POLG: variants seen among roughly 807,000 people sequenced by gnomAD.
POLG encodes the protein DNA polymerase subunit gamma-1.
In POLG, 110 loss-of-function variants were observed where a neutral mutation model predicts 155.4. The ratio of observed to expected loss-of-function variants is 0.71; its 90% CI spans 0.61 to 0.83. POLG has a LOEUF of 0.83. POLG is among the 40% of genes least tolerant of loss of function. The pLI is 0.00. For missense variants in POLG, 1,685 were observed against 1,627.5 expected (o/e 1.04, Z -0.61); for synonymous variants, 701 against 631.5 (o/e 1.11, Z -1.65).
At chr15:89,317,308 C>G in intron 22 of POLG, 68 bp downstream of exon 22, 2 of 1,535,102 alleles carry the variant, frequency 1.3e-6, no homozygotes, top group South Asian at 2.3e-5. Context: ...GTTTCCTGTT[C>G]TCCAAGACCC....
rs368959267 is a variant in POLG, at chr15:89,325,297, A to G, written c.1949+153T>C. 2.8e-4 allele frequency among the ~76,000 whole-genome samples: 17 copies of G among 59,932 alleles called. 3 individuals carry two copies. Among genetic ancestry groups the G allele is most frequent in the African/African-American group, 8.6e-4 (16 of 18,548 alleles). 39.3% of individuals were successfully genotyped at this position (59,932 alleles called of 152,430 possible). On this transcript the variant is annotated intron_variant, in intron 10 of 22. Coordinates refer to ENST00000268124, the MANE Select transcript of POLG (RefSeq NM_002693.3). ...GAGAGAGAGAGAAAGAGAGAGAGAGAGGGTGTGTGTGTGTGTGTTAATTTT... is the reference window on the plus strand; with the variant it reads ...GAGAGAGAGAGAAAGAGAGAGAGAGGGGGTGTGTGTGTGTGTGTTAATTTT...
In POLG at chr15:89,333,265, G is replaced by C. The variant is rs779208296; in HGVS notation, c.490C>G (p.Pro164Ala). The change falls in exon 2 of 23, where the codon CCG becomes GCG. Residue 164 changes from proline to alanine, a missense_variant. Pro to Ala is a conservative substitution (Grantham distance 27, BLOSUM62 -1). Transcript: ENST00000268124. The part of the protein sequence containing the change: ...ANLLLQAQLP[P>A]KPPAWAWAEG... ...GCCCAGGCCCAAGCCGGGGGCTTCG[G>C]GGGCAGCTGGGCCTGCAACAGCAAG... is the stretch of plus-strand genomic sequence containing the variant. The C allele has an allele frequency of 1.3e-6, 2 of 1,561,364 alleles. No individual in the cohort carries two copies. The highest frequency in any genetic ancestry group is 1.7e-6 in the Non-Finnish European group (2 of 1,152,132).
intron 18 of POLG, among the ~76,000 whole-genome samples, chr15:89,320,106 C>T (rs976226705): frequency 2.0e-5 from 3 of 152,230 alleles, no homozygotes; most frequent in Admixed American, 1.3e-4. Context: ...TTATAGTCAT[C>T]AACCACTATA....
rs56307219 is a variant in POLG at position 89,319,908 on chromosome 15, C to T, written c.2982-558G>A. On this transcript the variant is annotated intron_variant, in intron 18 of 22. Transcript: ENST00000268124. The stretch of plus-strand genomic sequence containing the variant: ...TTGTCGCCTGAAGGCTCCAGAGACA[C>T]GTCACTCGCATAAATGGCTTCCCCA... Among the ~76,000 whole-genome samples the T allele has an allele frequency of 4.2e-3, 644 of 152,256 alleles. 7 individuals carry two copies. Among genetic ancestry groups the T allele is most frequent in the African/African-American group, 0.015 (616 of 41,554 alleles).
At chr15:89,323,044 C>CGCGCACGCGCGCACGCACACACACACGT (rs2055419544) in intron 13 of POLG, 142 bp from the exon 14 acceptor site, 1 of 678,760 alleles carries the variant, frequency 1.5e-6, no homozygotes. Flanking sequence ...ATCACGCACG[C>CGCGCACGCGCGCACGCACACACACACGT]GCGCACGCGC....
intron 20 of POLG, 26 bp from the exon 21 acceptor site, chr15:89,318,775 G>A: frequency 1.3e-6 from 2 of 1,599,898 alleles, no homozygotes; most frequent in South Asian, 1.1e-5. Context: ...GGGCAGAGGT[G>A]AAAGGGGCTA....
At position 89,317,599 on chromosome 15, in the gene POLG, G is replaced by A. The variant is rs2055316655; in HGVS notation, c.3483-63C>T. On this transcript the variant is annotated intron_variant, in intron 21 of 22. Transcript: ENST00000268124. ...TCCTGTGAACAGATGCATCACTCCTGGAGCAATGACCCCACACCCCTTAGA... is the reference window on the plus strand; with the variant it reads ...TCCTGTGAACAGATGCATCACTCCTAGAGCAATGACCCCACACCCCTTAGA... 2.6e-6 allele frequency: 4 copies of A among 1,511,180 alleles called. No individual in the cohort carries two copies. In the East Asian group the frequency reaches 6.7e-5, roughly 25 times the overall value. 93.6% of individuals were successfully genotyped at this position (1,511,180 alleles called of 1,614,324 possible). A position where few individuals can be genotyped will look rare whatever the true frequency, so the allele number is the denominator to read the frequency against.
Position 89,320,763 on chromosome 15 carries a change from C to T in POLG, c.2981+3G>A, listed in dbSNP as rs769780988. 1.4e-5 allele frequency: 22 copies of T among 1,612,620 alleles called. No individual in the cohort carries two copies. In the South Asian group the frequency reaches 2.3e-4, roughly 17 times the overall value. ...TTAAAGTGGATGGGAGAGGGACCCT[C>T]ACCAGCGGAGGCCCTTGGTGGCAGC... On this transcript the variant is annotated splice_donor_region_variant and intron_variant, in intron 18 of 22. Transcript: ENST00000268124.
At chr15:89,319,413 G>A in intron 18 of POLG, 63 bp from the exon 19 acceptor site, 1 of 1,601,788 alleles carries the variant, frequency 6.2e-7, no homozygotes, top group South Asian at 1.1e-5. Flanking sequence ...TAGTGCCTTG[G>A]CAAGGAATGT....
chr15:89,325,058 G>T lies in POLG; in HGVS notation c.1949+392C>A, dbSNP rs571237591. 6.7e-3 allele frequency among the ~76,000 whole-genome samples: 515 copies of T among 76,964 alleles called. 71 individuals carry two copies. Among genetic ancestry groups the T allele is most frequent in the African/African-American group, 0.033 (479 of 14,570 alleles). 50.5% of individuals were successfully genotyped at this position (76,964 alleles called of 152,430 possible). On this transcript the variant is annotated intron_variant, in intron 10 of 22. Coordinates refer to ENST00000268124, the MANE Select transcript of POLG (RefSeq NM_002693.3). ...CCAGAGAGTGAGTGAGTGAGTGAGA[G>T]AGTGAGTGAGTGAGTGAGTGAGTGA...
intron 21 of POLG, chr15:89,317,954 G>C (rs1161053671): frequency 6.4e-6 from 2 of 310,972 alleles, no homozygotes; most frequent in Admixed American, 9.7e-5. Context: ...AATCAGGATA[G>C]ATCATGGTTC....
Position 89,333,225 on chromosome 15 carries a change from C to T in POLG, c.530G>A (p.Arg177Gln). 1 of 1,579,002 alleles carries T rather than the reference C, an allele frequency of 6.3e-7. No homozygotes were observed. The highest frequency in any genetic ancestry group is 8.6e-7 in the Non-Finnish European group (1 of 1,159,838). The change falls in exon 2 of 23, where the codon CGG becomes CAG. Residue 177 changes from arginine to glutamine, a missense_variant. Transcript: ENST00000268124. ...PAWAWAEGWT[R>Q]YGPEGEAVPV... ...TACGGCCTCCCCCTCGGGGCCGTAC[C>T]GGGTCCAGCCCTCCGCCCAGGCCCA...
chr15:89,330,699 C>G (rs2055582521), intron 2 of POLG, among the ~76,000 whole-genome samples: 1 of 149,968 alleles, frequency 6.7e-6, no homozygotes, highest in Admixed American at 6.6e-5. Context: ...TAGACAATAA[C>G]AGAACCCAAG....
rs1412142514 is a variant in POLG at position 89,321,441 on chromosome 15, G to T, written c.2599-181C>A. ...ATCAGCAATTGGTGTGACAGGTAAAGAATCTACTCTATGCCTAGCGCTATG... is the reference window on the plus strand; with the variant it reads ...ATCAGCAATTGGTGTGACAGGTAAATAATCTACTCTATGCCTAGCGCTATG... On this transcript the variant is annotated intron_variant, in intron 16 of 22. Coordinates refer to ENST00000268124, the MANE Select transcript of POLG (RefSeq NM_002693.3). 5.3e-5 allele frequency among the ~76,000 whole-genome samples: 8 copies of T among 152,196 alleles called. No homozygotes were observed. In the East Asian group the frequency reaches 1.5e-3, roughly 29 times the overall value.
chr15:89,333,247 C>A lies in POLG; in HGVS notation c.508G>T (p.Ala170Ser). Residue 170 changes from alanine to serine, a missense_variant, in exon 2 of 23, where the codon GCC (alanine) becomes TCC (serine). Ala to Ser is a moderately conservative substitution (Grantham distance 99). Coordinates refer to ENST00000268124, the MANE Select transcript of POLG (RefSeq NM_002693.3). ...AQLPPKPPAW[A>S]WAEGWTRYGP... ...TACCGGGTCCAGCCCTCCGCCCAGG[C>A]CCAAGCCGGGGGCTTCGGGGGCAGC... The A allele has an allele frequency of 6.3e-7, 1 of 1,575,292 alleles. No homozygotes were observed. The highest frequency in any genetic ancestry group is 8.6e-7 in the Non-Finnish European group (1 of 1,158,946).
At chr15:89,323,729 C>T (rs2055431411) in intron 12 of POLG, 86 bp downstream of exon 12, 1 of 1,164,756 alleles carries the variant, frequency 8.6e-7, no homozygotes, top group Non-Finnish European at 1.3e-6. Flanking sequence ...ACCTAGGGAA[C>T]TCTGGCTGGG....
Position 89,316,636 on chromosome 15 carries a change from A to G in POLG, c.*115T>C, listed in dbSNP as rs972663785. The stretch of plus-strand genomic sequence containing the variant: ...TCTTGGCAGGTCCTGCTACTGAAAA[A>G]TGGCTGGCCTTAGGCAAGCCCTTTT... On this transcript the variant is annotated 3_prime_UTR_variant, in exon 23 of 23. Coordinates refer to ENST00000268124, the MANE Select transcript of POLG (RefSeq NM_002693.3). 1.7e-6 allele frequency: 2 copies of G among 1,155,520 alleles called. No individual in the cohort carries two copies. The highest frequency in any genetic ancestry group is 3.6e-5 in the Admixed American group (2 of 55,688). 71.6% of individuals were successfully genotyped at this position (1,155,520 alleles called of 1,614,324 possible).
rs754116359 is a variant in POLG, at chr15:89,324,116, TATG to T, written c.2058_2060del (p.Ile687del). ...CAGAGCCTGCCCTCACCGTTTGCCA[TATG>T]GCACTATTGTCAGTGAGCAGGAACT... is the stretch of plus-strand genomic sequence containing the variant. On this transcript the variant is annotated inframe_deletion, in exon 11 of 23. Transcript: ENST00000268124. The T allele has an allele frequency of 9.3e-6, 15 of 1,614,044 alleles. No individual in the cohort carries two copies. The South Asian group carries it at 1.5e-4, about 17-fold the overall frequency.
rs1237950570 is a variant in POLG, at chr15:89,316,617, C to T, written c.*134G>A. The T allele has an allele frequency of 7.3e-6, 8 of 1,101,174 alleles. No homozygotes were observed. The highest frequency in any genetic ancestry group is 9.6e-6 in the Non-Finnish European group (7 of 727,628). 68.2% of individuals were successfully genotyped at this position (1,101,174 alleles called of 1,614,324 possible). On this transcript the variant is annotated 3_prime_UTR_variant, in exon 23 of 23. Coordinates refer to ENST00000268124, the MANE Select transcript of POLG (RefSeq NM_002693.3). The stretch of plus-strand genomic sequence containing the variant: ...CTTCAGTTAGAAGGAATCTTCTTGG[C>T]AGGTCCTGCTACTGAAAAATGGCTG...
Sources: gnomAD v4.1 joint callset for allele counts (sites outside exome capture counted in the v4.1 genomes callset) on GRCh38, gnomAD v4.1.1 for gene constraint, MANE v1.5 for transcripts, NCBI Gene and HGNC (gene_info 2026-07-23, HGNC 2026-07-21) for gene names.